The following BPHL variants were observed in gnomAD, a reference collection of about 807,000 sequenced individuals.
BPHL encodes the protein biphenyl hydrolase like.
A neutral mutation model predicts 31.2 loss-of-function variants in BPHL; 27 were observed. The ratio of observed to expected loss-of-function variants is 0.87; its 90% CI spans 0.64 to 1.19. The LOEUF is 1.19. Ranked by LOEUF, BPHL falls within the 50% of genes most tolerant of loss-of-function variation. BPHL has a pLI of 0.00. For missense variants in BPHL, 356 were observed against 375.7 expected, an observed-to-expected ratio of 0.95 and a Z score of 0.43; for synonymous variants, 150 against 146.8, an observed-to-expected ratio of 1.02 and a Z score of -0.16.
At chr6:3,126,684 G>A (rs1253795160) in intron 2 of BPHL, 1 of 151,912 alleles carries the variant, frequency 6.6e-6, no homozygotes, top group Non-Finnish European at 1.5e-5. Flanking sequence ...TGCTTCCCTG[G>A]TTCAAGCGAT....
In BPHL at chr6:3,140,581, A is replaced by AATAAC; in HGVS notation, c.788+73_788+77dup. ...CAATGGGCAAAGCTACTGGAAGGAA[A>AATAAC]ATAACCAAGAGGAGTTGGAGTTTTA... On this transcript the variant is annotated intron_variant, in intron 6 of 6. Coordinates refer to ENST00000380379, the MANE Select transcript of BPHL (RefSeq NM_004332.4). This position sits in a 1 kb window ranked among gnomAD's most constrained non-coding sequence, Gnocchi z 5.2. 6.3e-7 allele frequency: 1 copy of AATAAC among 1,594,206 alleles called. No homozygotes were observed. The highest frequency in any genetic ancestry group is 1.1e-5 in the South Asian group (1 of 89,960).
intron 2 of BPHL, 41 bp downstream of exon 2, chr6:3,123,801 A>C: frequency 6.6e-7 from 1 of 1,519,188 alleles, no homozygotes; most frequent in Non-Finnish European, 9.1e-7. Context: ...CATGCTGTAA[A>C]ATCTATGATG....
chr6:3,133,734 C>T (rs1486228608), intron 4 of BPHL, among the ~76,000 whole-genome samples: 2 of 152,338 alleles, frequency 1.3e-5, no homozygotes, highest in East Asian at 1.9e-4. Flanking sequence ...GCCGCCACCC[C>T]GTGTCCACTG....
rs1030216908 is a variant in BPHL at position 3,149,790 on chromosome 6, G to A, written c.789-2698G>A. Among the ~76,000 whole-genome samples, 15 of 152,110 alleles carry A rather than the reference G, an allele frequency of 9.9e-5. No homozygotes were observed. In the South Asian group the frequency reaches 1.0e-3, roughly 11 times the overall value. ...GATTATAGGCGCGCATCACCACGCCGGCTAATTTTTGTGTTTTTGGTAGAG... is the reference window on the plus strand; with the variant it reads ...GATTATAGGCGCGCATCACCACGCCAGCTAATTTTTGTGTTTTTGGTAGAG... On this transcript the variant is annotated intron_variant, in intron 6 of 6. Transcript: ENST00000380379. This position sits in a 1 kb window ranked among gnomAD's most constrained non-coding sequence, Gnocchi z 4.6.
At chr6:3,147,577 C>G (rs770193477) in intron 6 of BPHL, among the ~76,000 whole-genome samples, 33 of 151,754 alleles carry the variant, frequency 2.2e-4, no homozygotes, top group Non-Finnish European at 4.1e-4. Flanking sequence ...AAGACAACAC[C>G]ATTATTAGTG....
intron 2 of BPHL, among the ~76,000 whole-genome samples, chr6:3,125,315 G>A (rs1163412509): frequency 6.6e-6 from 1 of 152,002 alleles, no homozygotes; most frequent in Non-Finnish European, 1.5e-5. Context: ...AAAATGCTGG[G>A]ATTACAGGCA....
chr6:3,152,055 A>G (rs1762538925), intron 6 of BPHL, among the ~76,000 whole-genome samples: 1 of 152,260 alleles, frequency 6.6e-6, no homozygotes, highest in Non-Finnish European at 1.5e-5. Context: ...CAACACGCCA[A>G]GAAACTCACC....
chr6:3,145,235 C>CG (rs1381139849), intron 6 of BPHL, among the ~76,000 whole-genome samples: 1 of 28,192 alleles, frequency 3.5e-5, no homozygotes, highest in African/African-American at 2.3e-4. Flanking sequence ...AGTGCTGGTT[C>CG]GGGTGGAGTG....
chr6:3,125,160 C>T (rs1345428927), intron 2 of BPHL, among the ~76,000 whole-genome samples: 1 of 151,972 alleles, frequency 6.6e-6, no homozygotes, highest in African/African-American at 2.4e-5. Flanking sequence ...ATTCTCCTGC[C>T]TCAGCCTCCT....
intron 6 of BPHL, among the ~76,000 whole-genome samples, chr6:3,146,959 C>T (rs1264854424): frequency 1.3e-5 from 2 of 151,982 alleles, no homozygotes; most frequent in Admixed American, 1.3e-4. Context: ...ACTGTTACCT[C>T]TTGTGTGAAA....
chr6:3,148,273 T>C (rs988569601), intron 6 of BPHL, among the ~76,000 whole-genome samples: 1 of 152,188 alleles, frequency 6.6e-6, no homozygotes, highest in Non-Finnish European at 1.5e-5. Context: ...GTTACTCTCC[T>C]CTGTCTGGAC....
At chr6:3,152,431 G>A in intron 6 of BPHL, 57 bp from the exon 7 acceptor site, 1 of 1,413,498 alleles carries the variant, frequency 7.1e-7, no homozygotes, top group Admixed American at 1.8e-5. Context: ...GGAGAGTGAG[G>A]GGTTTGTTCT....
intron 1 of BPHL, among the ~76,000 whole-genome samples, chr6:3,122,467 G>A (rs1334918529): frequency 6.6e-6 from 1 of 152,154 alleles, no homozygotes; most frequent in East Asian, 1.9e-4. Context: ...TGGTCCTGGT[G>A]CAGGGGCCGT....
intron 2 of BPHL, among the ~76,000 whole-genome samples, chr6:3,124,833 A>G (rs1269981914): frequency 6.6e-6 from 1 of 152,206 alleles, no homozygotes; most frequent in African/African-American, 2.4e-5. Flanking sequence ...AGTGCTAAAA[A>G]GGTTCCACTT....
chr6:3,124,619 T>C (rs1761667445), intron 2 of BPHL, among the ~76,000 whole-genome samples: 1 of 152,196 alleles, frequency 6.6e-6, no homozygotes, highest in Non-Finnish European at 1.5e-5. Context: ...GCAATGTAAA[T>C]GCTGTGCAAA....
At chr6:3,146,831 TGGAGTGCTGGTTTGGGTC>T (rs879365037) in intron 6 of BPHL, among the ~76,000 whole-genome samples, 9,954 of 146,994 alleles carry the variant, frequency 0.068, 522 homozygotes, top group Middle Eastern at 0.13. Context: ...TGGTTCCGGC[TGGAGTGCTGGTTTGGGTC>T]GGAGTGCTGG....
intron 2 of BPHL, among the ~76,000 whole-genome samples, chr6:3,125,671 C>T (rs1761692474): frequency 6.6e-6 from 1 of 152,122 alleles, no homozygotes; most frequent in Admixed American, 6.5e-5. Context: ...GCCAGAACCC[C>T]TCCAGGTCAG....
At chr6:3,127,523 A>G in intron 3 of BPHL, 115 bp downstream of exon 3, 1 of 900,776 alleles carries the variant, frequency 1.1e-6, no homozygotes, top group Non-Finnish European at 1.6e-6. Context: ...TGATTGCTAT[A>G]GAAAACCCCA....
Position 3,149,432 on chromosome 6 carries a change from C to T in BPHL, c.789-3056C>T, listed in dbSNP as rs888467489. ...GCCACACTGCCCAGAAAGTAGCCTC[C>T]GGGGCAGTTTTGCTTCTAATGCTTG... On this transcript the variant is annotated intron_variant, in intron 6 of 6. Coordinates refer to ENST00000380379, the MANE Select transcript of BPHL (RefSeq NM_004332.4). This position sits in a 1 kb window ranked among gnomAD's most constrained non-coding sequence, Gnocchi z 4.6. Among the ~76,000 whole-genome samples, 14 of 152,116 alleles carry T rather than the reference C, an allele frequency of 9.2e-5. No homozygotes were observed. The highest frequency in any genetic ancestry group is 2.1e-4 in the South Asian group (1 of 4,830).
Sources: gnomAD v4.1 joint callset for allele counts (sites outside exome capture counted in the v4.1 genomes callset) on GRCh38, gnomAD v4.1.1 for gene constraint, Gnocchi (gnomAD v3.1) non-coding constraint, MANE v1.5 for transcripts, NCBI Gene and HGNC (gene_info 2026-07-23, HGNC 2026-07-21) for gene names.